KAT6A: variants seen among roughly 807,000 people sequenced by gnomAD.
The protein encoded by KAT6A is lysine acetyltransferase 6A.
KAT6A carries 9 observed loss-of-function variants against 198.4 expected under a neutral mutation model. That is an observed-to-expected ratio of 0.05 (90% CI 0.03 to 0.08). The LOEUF is 0.08. Ranked by LOEUF, KAT6A falls within the 10% of genes least tolerant of loss-of-function variation. The pLI is 1.00. For missense variants in KAT6A, 2,077 were observed against 2,509.9 expected, an observed-to-expected ratio of 0.83 and a Z score of 3.69; for synonymous variants, 890 against 883.0, an observed-to-expected ratio of 1.01 and a Z score of -0.14.
At chr8:41,984,762 A>G (rs920490814) in intron 3 of KAT6A, among the ~76,000 whole-genome samples, 4 of 152,110 alleles carry the variant, frequency 2.6e-5, no homozygotes, top group African/African-American at 9.7e-5. Context: ...GAGGATCACG[A>G]GGTCAGGAGA....
chr8:42,047,909 C>T (rs967868228), intron 2 of KAT6A, among the ~76,000 whole-genome samples: 6 of 151,970 alleles, frequency 3.9e-5, no homozygotes, highest in Non-Finnish European at 5.9e-5. Flanking sequence ...TTCTGTCTAA[C>T]GAGTAATCTG....
intron 9 of KAT6A, among the ~76,000 whole-genome samples, chr8:41,950,775 GA>G (rs1206933374): frequency 2.0e-5 from 3 of 152,102 alleles, no homozygotes; most frequent in Non-Finnish European, 4.4e-5. Context: ...ACAGAGACAT[GA>G]AAATAAAGTA....
At chr8:41,990,634 C>A (rs4621794) in intron 2 of KAT6A, among the ~76,000 whole-genome samples, 1 of 152,332 alleles carries the variant, frequency 6.6e-6, no homozygotes, top group Admixed American at 6.5e-5. Flanking sequence ...TCATTAGTCA[C>A]CAAGAAAATA....
At chr8:41,959,988 A>G (rs1823113521) in intron 8 of KAT6A, among the ~76,000 whole-genome samples, 1 of 152,064 alleles carries the variant, frequency 6.6e-6, no homozygotes, top group Non-Finnish European at 1.5e-5. Context: ...AAGGAAGGCA[A>G]TTCTGACACA....
intron 2 of KAT6A, among the ~76,000 whole-genome samples, chr8:42,015,782 G>A (rs1826242837): frequency 6.6e-6 from 1 of 152,124 alleles, no homozygotes; most frequent in East Asian, 1.9e-4. Flanking sequence ...GAACAACTGA[G>A]CTGAACATCA....
At position 41,932,162 on chromosome 8, in the gene KAT6A, TTATTTATATA is replaced by T; in HGVS notation, c.*33_*42del. 1 of 1,442,944 alleles carries T rather than the reference TTATTTATATA, an allele frequency of 6.9e-7. No homozygotes were observed. The highest frequency in any genetic ancestry group is 9.1e-7 in the Non-Finnish European group (1 of 1,093,216). The allele number at this position is 1,442,944 out of a possible 1,614,324, so 89.4% of individuals were successfully genotyped here. A position where few individuals can be genotyped will look rare whatever the true frequency, so the allele number is the denominator to read the frequency against. ...TGGTTTGTCAGTATAAAAGGTTCCT[TTATTTATATA>T]TATTTAAGTTTTTGATTGCAAGTTC... On this transcript the variant is annotated 3_prime_UTR_variant, in exon 17 of 17. Transcript: ENST00000265713.
chr8:42,045,389 C>T (rs1034569146), intron 2 of KAT6A, among the ~76,000 whole-genome samples: 1 of 151,814 alleles, frequency 6.6e-6, no homozygotes, highest in Non-Finnish European at 1.5e-5. Context: ...GGAGAAACCC[C>T]GTCTCTACTA....
At chr8:41,957,947 G>C (rs1169234881) in intron 8 of KAT6A, 1 of 152,366 alleles carries the variant, frequency 6.6e-6, no homozygotes, top group Non-Finnish European at 1.5e-5. Flanking sequence ...TGTAAACACA[G>C]AGCTGCTGCC....
At chr8:41,948,834 G>A (rs1482207518) in intron 10 of KAT6A, among the ~76,000 whole-genome samples, 1 of 151,978 alleles carries the variant, frequency 6.6e-6, no homozygotes, top group Non-Finnish European at 1.5e-5. Context: ...TACTTGGCAC[G>A]AAAACCACAG....
chr8:41,987,590 A>C, intron 2 of KAT6A, 27 bp from the exon 3 acceptor site: 1 of 1,271,504 alleles, frequency 7.9e-7, no homozygotes, highest in Non-Finnish European at 1.1e-6. Flanking sequence ...AATTCATTCC[A>C]GTACTAATAC....
rs188277297 is a variant in KAT6A at position 41,948,454 on chromosome 8, T to A, written c.1741-542A>T. 1.1e-3 allele frequency among the ~76,000 whole-genome samples: 161 copies of A among 152,232 alleles called. 1 individual carries two copies. Among genetic ancestry groups the A allele is most frequent in the Non-Finnish European group, 1.7e-3 (114 of 68,012 alleles). On this transcript the variant is annotated intron_variant, in intron 10 of 16. Transcript: ENST00000265713. ...ACCAAGCGGGTTCCTCAAGCAATCA[T>A]GTGGTAAATGAGGCTCCAGGTTGGC...
rs371855636 is a variant in KAT6A, at chr8:41,941,231, A to G, written c.2650T>C (p.Ser884Pro). 5.6e-6 allele frequency: 9 copies of G among 1,613,940 alleles called. No individual in the cohort carries two copies. Among genetic ancestry groups the G allele is most frequent in the Non-Finnish European group, 7.6e-6 (9 of 1,180,012 alleles). ...KTQERFGDKD[S>P]KLLLEETSSA... is the part of the protein sequence containing the mutation. ...GACGTCTCTTCCAAGAGCAGTTTAG[A>G]ATCTTTATCACCAAAACGTTCCTGG... The change falls in exon 15 of 17, where the codon TCT (serine) becomes CCT (proline). Residue 884 changes from serine to proline, a missense_variant. Physicochemically the swap from Ser to Pro is moderately conservative, Grantham distance 74. Around this residue, in one of 13 missense-constraint regions of KAT6A, gnomAD observed 301 missense variants for 272.2 expected, o/e 1.11. Coordinates refer to ENST00000265713, the MANE Select transcript of KAT6A (RefSeq NM_006766.5).
chr8:41,953,689 G>A (rs904446766), intron 9 of KAT6A, among the ~76,000 whole-genome samples: 1 of 152,070 alleles, frequency 6.6e-6, no homozygotes, highest in Non-Finnish European at 1.5e-5. Flanking sequence ...GGCCAGGCTG[G>A]TCTTGAACTC....
intron 8 of KAT6A, among the ~76,000 whole-genome samples, chr8:41,965,818 T>C (rs1823452767): frequency 6.6e-6 from 1 of 152,172 alleles, no homozygotes; most frequent in African/African-American, 2.4e-5. Flanking sequence ...GATTTTAAGG[T>C]ACCCCCATGA....
intron 13 of KAT6A, among the ~76,000 whole-genome samples, chr8:41,943,544 T>G (rs969476722): frequency 6.6e-6 from 1 of 152,080 alleles, no homozygotes; most frequent in Non-Finnish European, 1.5e-5. Flanking sequence ...ACAATTCAGT[T>G]TAAAAAGCAT....
In KAT6A at chr8:41,993,586, A is replaced by C. The variant is rs190860051; in HGVS notation, c.601-6023T>G. 1.3e-4 allele frequency among the ~76,000 whole-genome samples: 20 copies of C among 152,344 alleles called. No individual in the cohort carries two copies. In the East Asian group the frequency reaches 3.9e-3, roughly 29 times the overall value. On this transcript the variant is annotated intron_variant, in intron 2 of 16. Transcript: ENST00000265713. ...AGATATACTATTACTGACAATGATC[A>C]TGACATTTTAACTAAGTGATAATTT...
Position 41,966,339 on chromosome 8 carries a change from G to A in KAT6A, c.1482+8365C>T, listed in dbSNP as rs945877729. Among the ~76,000 whole-genome samples, 7 of 151,904 alleles carry A rather than the reference G, an allele frequency of 4.6e-5. No individual in the cohort carries two copies. The East Asian group carries it at 1.2e-3, about 25-fold the overall frequency. On this transcript the variant is annotated intron_variant, in intron 8 of 16. Coordinates refer to ENST00000265713, the MANE Select transcript of KAT6A (RefSeq NM_006766.5). ...GGTGCAAATTTTATCATCTCACACC[G>A]TCAGAAGAGTTAGTACAGTACAATA... is the stretch of plus-strand genomic sequence containing the variant.
intron 2 of KAT6A, among the ~76,000 whole-genome samples, chr8:42,006,694 T>C (rs1825767259): frequency 6.6e-6 from 1 of 152,150 alleles, no homozygotes; most frequent in African/African-American, 2.4e-5. Flanking sequence ...CAGGAGTATT[T>C]ATTTAACCTA....
At chr8:42,010,580 A>G (rs1825976937) in intron 2 of KAT6A, among the ~76,000 whole-genome samples, 1 of 152,144 alleles carries the variant, frequency 6.6e-6, no homozygotes, top group African/African-American at 2.4e-5. Context: ...CCAAACCCTC[A>G]GCCTCAGGGC....
Sources: allele counts gnomAD v4.1 joint callset (sites outside exome capture counted in the v4.1 genomes callset), GRCh38; gene constraint gnomAD v4.1.1; regional missense constraint gnomAD v4.1.1; transcripts MANE v1.5; gene names NCBI Gene and HGNC (gene_info 2026-07-23, HGNC 2026-07-21).